Variants in VWA8 observed in about 807,000 individuals in gnomAD.
VWA8 encodes the protein von Willebrand factor A domain containing 8.
VWA8 carries 221 observed loss-of-function variants against 241.5 expected under a neutral mutation model. That is an observed-to-expected ratio of 0.91 (90% CI 0.82 to 1.02). The LOEUF is 1.02. VWA8 is among the 50% of genes least tolerant of loss of function. The pLI, the probability that VWA8 is intolerant of heterozygous loss-of-function variation, is 0.00. For missense variants in VWA8, 2,322 were observed against 2,328.7 expected, an observed-to-expected ratio of 1.00 and a Z score of 0.06; for synonymous variants, 852 against 827.1, an observed-to-expected ratio of 1.03 and a Z score of -0.52.
chr13:41,911,644 C>T lies in VWA8; in HGVS notation c.372+394G>A, dbSNP rs1335804356. Reference sequence around the variant, plus strand: ...GCTTCCTTTAAAGACTGCATAACTTCCAAAAGTCAAGGGAATTGTTTGGCT... The same window carrying T: ...GCTTCCTTTAAAGACTGCATAACTTTCAAAAGTCAAGGGAATTGTTTGGCT... On this transcript the variant is annotated intron_variant, in intron 3 of 44. Coordinates refer to ENST00000379310, the MANE Select transcript of VWA8 (RefSeq NM_015058.2). Among the ~76,000 whole-genome samples, 5 of 152,174 alleles carry T rather than the reference C, an allele frequency of 3.3e-5. No individual in the cohort carries two copies. In the East Asian group the frequency reaches 9.6e-4, roughly 29 times the overall value.
chr13:41,820,185 A>C (rs1014891713), intron 14 of VWA8, among the ~76,000 whole-genome samples: 3 of 152,188 alleles, frequency 2.0e-5, no homozygotes, highest in African/African-American at 7.2e-5. Flanking sequence ...CTACTAAAAA[A>C]CCCAGCAGAA....
intron 1 of VWA8, among the ~76,000 whole-genome samples, chr13:41,950,746 G>A (rs1045516296): frequency 2.8e-5 from 4 of 143,782 alleles, no homozygotes; most frequent in African/African-American, 7.9e-5. Flanking sequence ...TTGGCTCACC[G>A]CAACTTCCGC....
chr13:41,869,794 T>G (rs1873502574), intron 9 of VWA8, among the ~76,000 whole-genome samples: 1 of 152,000 alleles, frequency 6.6e-6, no homozygotes, highest in African/African-American at 2.4e-5. Flanking sequence ...GAAAATAAAT[T>G]GAAAATTAAG....
At chr13:41,852,802 T>C (rs1000593934) in intron 12 of VWA8, among the ~76,000 whole-genome samples, 1 of 152,198 alleles carries the variant, frequency 6.6e-6, no homozygotes, top group Non-Finnish European at 1.5e-5. Flanking sequence ...TCTATTCTGG[T>C]TCCATCCATC....
chr13:41,615,965 G>A (rs564705199), intron 37 of VWA8, among the ~76,000 whole-genome samples: 8 of 152,310 alleles, frequency 5.3e-5, no homozygotes, highest in African/African-American at 1.7e-4. Context: ...TCATTCATTT[G>A]TTCAAATAAG....
At chr13:41,666,945 T>A (rs1292141478) in intron 37 of VWA8, among the ~76,000 whole-genome samples, 3 of 152,154 alleles carry the variant, frequency 2.0e-5, no homozygotes, top group Admixed American at 2.0e-4. Flanking sequence ...CATGTACATA[T>A]AACAATCCTA....
chr13:41,741,265 G>A (rs764943209), intron 21 of VWA8, among the ~76,000 whole-genome samples: 1 of 152,136 alleles, frequency 6.6e-6, no homozygotes, highest in Non-Finnish European at 1.5e-5. Flanking sequence ...TGAGATGGAC[G>A]CATTTCAGAT....
At chr13:41,671,458 G>C (rs1342746566) in intron 36 of VWA8, among the ~76,000 whole-genome samples, 1 of 152,062 alleles carries the variant, frequency 6.6e-6, no homozygotes, top group Non-Finnish European at 1.5e-5. Flanking sequence ...CTAATTGGTA[G>C]GCCAGGAAAC....
intron 37 of VWA8, among the ~76,000 whole-genome samples, chr13:41,667,350 G>A (rs2044993374): frequency 1.3e-5 from 2 of 152,176 alleles, no homozygotes; most frequent in African/African-American, 4.8e-5. Flanking sequence ...TCTTTTCCAT[G>A]TATTTCTTTC....
At chr13:41,680,202 TTTTG>T (rs1433321382) in intron 35 of VWA8, among the ~76,000 whole-genome samples, 7 of 152,316 alleles carry the variant, frequency 4.6e-5, no homozygotes, top group South Asian at 2.1e-4. Context: ...AAGCATCATG[TTTTG>T]TTTGTTTAGT....
chr13:41,898,949 G>C (rs867276332), intron 4 of VWA8, among the ~76,000 whole-genome samples: 112 of 152,188 alleles, frequency 7.4e-4, no homozygotes, highest in African/African-American at 2.7e-3. Flanking sequence ...CCCGATTCCC[G>C]CTCGCGCCTC....
At chr13:41,599,133 T>C (rs2044506275) in intron 40 of VWA8, among the ~76,000 whole-genome samples, 1 of 152,140 alleles carries the variant, frequency 6.6e-6, no homozygotes, top group African/African-American at 2.4e-5. Context: ...ACTTTGTTTT[T>C]ACTAATTAGC....
At position 41,833,408 on chromosome 13, in the gene VWA8, G is replaced by A; in HGVS notation, c.1549C>T (p.His517Tyr). The change falls in exon 13 of 45, where the codon CAC (histidine) becomes TAC (tyrosine). Residue 517 changes from histidine (H) to tyrosine (Y), a missense_variant. His to Tyr is a moderately conservative substitution (Grantham distance 83). Transcript: ENST00000379310. ...EGKLVLLDGIHRVNAGTLAVL... is the reference protein window; with the variant it reads ...EGKLVLLDGIYRVNAGTLAVL... ...GCAAGCGTGCCCGCATTCACCCGGT[G>A]AATGCCATCCAGCAGGACCAGCTTG... is the stretch of plus-strand genomic sequence containing the variant. 1 of 1,613,706 alleles carries A rather than the reference G, an allele frequency of 6.2e-7. No homozygotes were observed. Among genetic ancestry groups the A allele is most frequent in the Non-Finnish European group, 8.5e-7 (1 of 1,179,858 alleles).
At chr13:41,894,677 T>C (rs1315017346) in intron 4 of VWA8, among the ~76,000 whole-genome samples, 3 of 152,340 alleles carry the variant, frequency 2.0e-5, no homozygotes, top group Admixed American at 2.0e-4. Context: ...CAAAATATTT[T>C]AAAATGACAA....
chr13:41,602,313 T>C (rs1386573988), intron 40 of VWA8, among the ~76,000 whole-genome samples: 1 of 152,036 alleles, frequency 6.6e-6, no homozygotes, highest in Non-Finnish European at 1.5e-5. Context: ...ATTGTTGAGT[T>C]GGAAAAAGAG....
At chr13:41,784,697 C>CATACATATAT (rs1555335046) in intron 18 of VWA8, among the ~76,000 whole-genome samples, 4 of 57,036 alleles carry the variant, frequency 7.0e-5, no homozygotes, top group African/African-American at 2.2e-4. Flanking sequence ...TATACATATA[C>CATACATATAT]ATATATATAT....
At chr13:41,758,128 C>T (rs914057320) in intron 21 of VWA8, among the ~76,000 whole-genome samples, 3 of 150,918 alleles carry the variant, frequency 2.0e-5, no homozygotes, top group East Asian at 1.9e-4. Flanking sequence ...GAATTTACTA[C>T]GACGGAAGCT....
chr13:41,783,772 A>G (rs757479215), intron 19 of VWA8, 23 bp downstream of exon 19: 6 of 1,554,414 alleles, frequency 3.9e-6, no homozygotes, highest in Non-Finnish European at 5.3e-6. Flanking sequence ...GATTTATCCA[A>G]GAACACAAAG....
intron 21 of VWA8, among the ~76,000 whole-genome samples, chr13:41,733,997 T>C (rs1376137227): frequency 1.3e-5 from 2 of 152,184 alleles, no homozygotes; most frequent in Non-Finnish European, 2.9e-5. Flanking sequence ...TGGAACCTAC[T>C]CTAGTAAATG....
Sources: gnomAD v4.1 joint callset for allele counts (sites outside exome capture counted in the v4.1 genomes callset) on GRCh38, gnomAD v4.1.1 for gene constraint, MANE v1.5 for transcripts, NCBI Gene and HGNC (gene_info 2026-07-23, HGNC 2026-07-21) for gene names.